SUCO: variants seen among roughly 807,000 people sequenced by gnomAD.
SUCO encodes the protein SUN domain-containing ossification factor.
A neutral mutation model predicts 148.1 loss-of-function variants in SUCO; 57 were observed. The ratio of observed to expected loss-of-function variants is 0.38; its 90% CI spans 0.31 to 0.48. The LOEUF is 0.48. Among genes scored for constraint, SUCO ranks in the 20% least tolerant of loss-of-function variants. SUCO has a pLI of 0.96. For missense variants in SUCO, 1,331 were observed against 1,468.2 expected, an observed-to-expected ratio of 0.91 and a Z score of 1.53; for synonymous variants, 470 against 502.7, an observed-to-expected ratio of 0.93 and a Z score of 0.87.
intron 19 of SUCO, among the ~76,000 whole-genome samples, chr1:172,594,161 C>T (rs575409989): frequency 4.0e-5 from 6 of 151,444 alleles, no homozygotes; most frequent in Non-Finnish European, 7.4e-5. Flanking sequence ...TTTTTCTTCT[C>T]TCTTTTCTTC....
At chr1:172,549,023 ATTCT>A (rs2149225235) in intron 1 of SUCO, among the ~76,000 whole-genome samples, 1 of 151,958 alleles carries the variant, frequency 6.6e-6, no homozygotes, top group African/African-American at 2.4e-5. Flanking sequence ...TATATTTGTA[ATTCT>A]TTCTTCTTTT....
At position 172,569,534 on chromosome 1, in the gene SUCO, A is replaced by G. The variant is rs939199881; in HGVS notation, c.856+392A>G. Reference sequence around the variant, plus strand: ...GGTGTTTTACATATGATGTTTCAAGAACATACCTAAAGAAAAGCTTGCTTA... The same window carrying G: ...GGTGTTTTACATATGATGTTTCAAGGACATACCTAAAGAAAAGCTTGCTTA... On this transcript the variant is annotated intron_variant, in intron 7 of 23. Coordinates refer to ENST00000263688, the MANE Select transcript of SUCO (RefSeq NM_014283.5). 4 of 977,978 alleles carry G rather than the reference A, an allele frequency of 4.1e-6. No homozygotes were observed. The African/African-American group carries it at 7.0e-5, about 17-fold the overall frequency. 60.6% of individuals were successfully genotyped at this position (977,978 alleles called of 1,614,324 possible). A position where few individuals can be genotyped will look rare whatever the true frequency, so the allele number is the denominator to read the frequency against.
At chr1:172,593,875 G>A (rs1027324775) in intron 19 of SUCO, among the ~76,000 whole-genome samples, 46 of 152,252 alleles carry the variant, frequency 3.0e-4, no homozygotes, top group Admixed American at 2.6e-3. Flanking sequence ...TGTACCTCTG[G>A]TAAAATTCAT....
chr1:172,536,271 G>A (rs910914210), intron 1 of SUCO, among the ~76,000 whole-genome samples: 10 of 151,346 alleles, frequency 6.6e-5, no homozygotes, highest in African/African-American at 2.5e-4. Flanking sequence ...ATAGGTCAGA[G>A]GCCTGTATTT....
rs182457564 is a variant in SUCO, at chr1:172,538,399, A to G, written c.62+4902A>G. ...CTCTCATGATTGCTGGTCTATTAAT[A>G]TACATAAGTGAGCAGAAAAAAATTT... On this transcript the variant is annotated intron_variant, in intron 1 of 23. Transcript: ENST00000263688. Among the ~76,000 whole-genome samples the G allele has an allele frequency of 1.9e-4, 29 of 152,302 alleles. No individual in the cohort carries two copies. In the East Asian group the frequency reaches 5.4e-3, roughly 28 times the overall value.
intron 1 of SUCO, among the ~76,000 whole-genome samples, chr1:172,538,579 C>T (rs996483209): frequency 1.3e-5 from 2 of 151,942 alleles, no homozygotes; most frequent in Admixed American, 6.6e-5. Flanking sequence ...TTTCAAGGTA[C>T]GGAATCTATT....
At chr1:172,598,146 G>A (rs1232266864) in intron 19 of SUCO, among the ~76,000 whole-genome samples, 1 of 152,122 alleles carries the variant, frequency 6.6e-6, no homozygotes, top group Non-Finnish European at 1.5e-5. Flanking sequence ...TGGAAAGTCA[G>A]GGTTAGAAGA....
chr1:172,585,002 T>C lies in SUCO; in HGVS notation c.1499-16T>C, dbSNP rs753659383. The C allele has an allele frequency of 1.3e-6, 2 of 1,560,938 alleles. No individual in the cohort carries two copies. The highest frequency in any genetic ancestry group is 1.2e-5 in the South Asian group (1 of 85,118). ...TTTAGGTATTTGGTACTTTTTCTGATTGAATTTTGTTTTAGATGCCATTCT... is the reference window on the plus strand; with the variant it reads ...TTTAGGTATTTGGTACTTTTTCTGACTGAATTTTGTTTTAGATGCCATTCT... On this transcript the variant is annotated splice_polypyrimidine_tract_variant and intron_variant, in intron 15 of 23. Coordinates refer to ENST00000263688, the MANE Select transcript of SUCO (RefSeq NM_014283.5).
chr1:172,559,234 G>T (rs746510109), intron 6 of SUCO, among the ~76,000 whole-genome samples: 1 of 152,176 alleles, frequency 6.6e-6, no homozygotes, highest in Non-Finnish European at 1.5e-5. Flanking sequence ...GCATTACAAA[G>T]TGATTTTTAT....
At position 172,575,640 on chromosome 1, in the gene SUCO, C is replaced by G; in HGVS notation, c.1263+17C>G. The stretch of plus-strand genomic sequence containing the variant: ...TATGTCAAGGTAATGTTTACACATA[C>G]AGGACTATGTTCTATAATGAAAATA... On this transcript the variant is annotated intron_variant, in intron 11 of 23. Coordinates refer to ENST00000263688, the MANE Select transcript of SUCO (RefSeq NM_014283.5). The G allele has an allele frequency of 1.3e-6, 2 of 1,499,208 alleles. No individual in the cohort carries two copies. The highest frequency in any genetic ancestry group is 1.9e-6 in the Non-Finnish European group (2 of 1,077,624). 92.9% of individuals were successfully genotyped at this position (1,499,208 alleles called of 1,614,324 possible).
chr1:172,555,363 C>T (rs754430957), intron 3 of SUCO: 35 of 984,754 alleles, frequency 3.6e-5, no homozygotes, highest in Non-Finnish European at 4.1e-5. Flanking sequence ...GTAGATTTCA[C>T]ATTGTGTTTT....
At chr1:172,593,590 T>C (rs1158583166) in intron 19 of SUCO, among the ~76,000 whole-genome samples, 1 of 152,230 alleles carries the variant, frequency 6.6e-6, no homozygotes, top group African/African-American at 2.4e-5. Context: ...TTGATTTCCA[T>C]GTGTTGAACC....
chr1:172,537,230 T>C (rs530029254), intron 1 of SUCO, among the ~76,000 whole-genome samples: 2 of 152,240 alleles, frequency 1.3e-5, no homozygotes, highest in South Asian at 4.1e-4. Flanking sequence ...AATATAGTAA[T>C]AGTATATTAG....
chr1:172,547,345 A>G (rs969732474), intron 1 of SUCO, among the ~76,000 whole-genome samples: 4 of 152,238 alleles, frequency 2.6e-5, no homozygotes, highest in African/African-American at 9.6e-5. Flanking sequence ...AAAAACTACT[A>G]TGGACATTCT....
At chr1:172,546,182 T>C (rs530422605) in intron 1 of SUCO, among the ~76,000 whole-genome samples, 1 of 152,226 alleles carries the variant, frequency 6.6e-6, no homozygotes, top group South Asian at 2.1e-4. Context: ...CTTAAATTTG[T>C]CCATACTCTT....
rs2285144 is a variant in SUCO, at chr1:172,533,339, T to C, written c.-97T>C. The C allele has an allele frequency of 0.58, 902,168 of 1,550,904 alleles. 265,293 individuals are homozygous for C. Among genetic ancestry groups the C allele is most frequent in the African/African-American group, 0.71 (51,673 of 73,092 alleles). On this transcript the variant is annotated 5_prime_UTR_variant, in exon 1 of 24. Coordinates refer to ENST00000263688, the MANE Select transcript of SUCO (RefSeq NM_014283.5). ...TAGCCCTTAGGACTATCGGTCACATTCTCGCGCTCCTGCTCCGGCTCCTCC... is the reference window on the plus strand; with the variant it reads ...TAGCCCTTAGGACTATCGGTCACATCCTCGCGCTCCTGCTCCGGCTCCTCC...
intron 18 of SUCO, among the ~76,000 whole-genome samples, chr1:172,590,656 T>C (rs753587865): frequency 6.6e-6 from 1 of 152,160 alleles, no homozygotes; most frequent in Non-Finnish European, 1.5e-5. Context: ...AAGGCAGTCT[T>C]ATATCTGAAG....
intron 22 of SUCO, chr1:172,608,491 G>A: frequency 2.2e-6 from 1 of 464,814 alleles, no homozygotes; most frequent in Non-Finnish European, 3.8e-6. Flanking sequence ...CCAGCTACTA[G>A]TTAACAACTT....
rs747135865 is a variant in SUCO at position 172,570,084 on chromosome 1, T to C, written c.894T>C (p.His298=). 4 of 1,589,942 alleles carry C rather than the reference T, an allele frequency of 2.5e-6. No homozygotes were observed. The change falls in exon 8 of 24, where the codon CAT becomes CAC. Residue 298 remains histidine (H), a synonymous_variant. Coordinates refer to ENST00000263688, the MANE Select transcript of SUCO (RefSeq NM_014283.5). The part of the protein sequence containing the change: ...SMHASSNGGS[H]ATKKVQKNRN... ...ATGCATCTTCTAATGGAGGTTCACA[T>C]GCCACCAAAAAGGTCCAGAAAAATC...
Sources: allele counts gnomAD v4.1 joint callset (sites outside exome capture counted in the v4.1 genomes callset), GRCh38; gene constraint gnomAD v4.1.1; transcripts MANE v1.5; gene names NCBI Gene and HGNC (gene_info 2026-07-23, HGNC 2026-07-21).